The following EGFL8 variants were observed in gnomAD, a reference collection of about 807,000 sequenced individuals.
EGFL8 encodes the protein EGF like domain multiple 8, also known as epidermal growth factor-like protein 8.
In EGFL8, 32 loss-of-function variants were observed where a neutral mutation model predicts 39.4. The observed-to-expected ratio is 0.81, with a 90% CI of 0.61 to 1.09. EGFL8 has a LOEUF of 1.09. EGFL8 is among the 50% of genes least tolerant of loss of function. The pLI, the probability that EGFL8 is intolerant of heterozygous loss-of-function variation, is 0.00. For missense variants in EGFL8, 385 were observed against 402.2 expected (o/e 0.96, Z 0.37); for synonymous variants, 177 against 168.5 (o/e 1.05, Z -0.39).
chr6:32,166,826 CCGGGCCTTG>C lies in EGFL8; in HGVS notation c.334+21_334+29del, dbSNP rs777015456. 1.3e-6 allele frequency: 2 copies of C among 1,573,426 alleles called. No individual in the cohort carries two copies. The highest frequency in any genetic ancestry group is 2.3e-5 in the South Asian group (2 of 85,262). On this transcript the variant is annotated intron_variant, in intron 4 of 8. Transcript: ENST00000333845. This position sits in a 1 kb window ranked among gnomAD's most constrained non-coding sequence, Gnocchi z 7.3. Reference sequence around the variant, plus strand: ...ACCTGTGAAGGTGAGGCTGGGTCTTCCGGGCCTTGCGGGAGGCGCGCCCCACGGAGCTGG... The same window carrying C: ...ACCTGTGAAGGTGAGGCTGGGTCTTCCGGGAGGCGCGCCCCACGGAGCTGG...
In EGFL8 at chr6:32,166,619, A is replaced by G. The variant is rs758132074; in HGVS notation, c.223A>G (p.Arg75Gly). 3.1e-6 allele frequency: 5 copies of G among 1,614,168 alleles called. No homozygotes were observed. In the East Asian group the frequency reaches 6.7e-5, roughly 22 times the overall value. The part of the protein sequence containing the change: ...CAGRRICSTY[R>G]TMYRVMWREV... Reference sequence around the variant, plus strand: ...TGGGAGGCGCATCTGCAGCACTTACAGGTGAGGGATGGGGAGATGGGACCC... The same window carrying G: ...TGGGAGGCGCATCTGCAGCACTTACGGGTGAGGGATGGGGAGATGGGACCC... The change falls in exon 3 of 9, where the codon AGG becomes GGG. Residue 75 changes from arginine to glycine, a missense_variant and splice_region_variant. Arg to Gly is a moderately radical substitution (Grantham distance 125, BLOSUM62 -2). Transcript: ENST00000333845. The surrounding 1 kb of genome is among the most constrained non-coding windows in gnomAD (Gnocchi z 7.3).
In EGFL8 at chr6:32,166,852, C is replaced by CGGAGCTGG; in HGVS notation, c.335-48_335-41dup. 2 of 1,579,122 alleles carry CGGAGCTGG rather than the reference C, an allele frequency of 1.3e-6. No individual in the cohort carries two copies. The highest frequency in any genetic ancestry group is 1.2e-5 in the South Asian group (1 of 86,548). On this transcript the variant is annotated intron_variant, in intron 4 of 8. Coordinates refer to ENST00000333845, the MANE Select transcript of EGFL8 (RefSeq NM_030652.4). This position sits in a 1 kb window ranked among gnomAD's most constrained non-coding sequence, Gnocchi z 7.3. Reference sequence around the variant, plus strand: ...CGGGCCTTGCGGGAGGCGCGCCCCACGGAGCTGGGGAGCTGGGTCGTCGGT... The same window carrying CGGAGCTGG: ...CGGGCCTTGCGGGAGGCGCGCCCCACGGAGCTGGGGAGCTGGGGAGCTGGGTCGTCGGT...
chr6:32,168,236 T>G lies in EGFL8; in HGVS notation c.*280T>G. Reference sequence around the variant, plus strand: ...ATCTCTCTCTCTCTTTATTTTCAGTTTTTTTGCTGTTATCCAGATAATTAA... The same window carrying G: ...ATCTCTCTCTCTCTTTATTTTCAGTGTTTTTGCTGTTATCCAGATAATTAA... On this transcript the variant is annotated 3_prime_UTR_variant, in exon 9 of 9. Transcript: ENST00000333845. The surrounding 1 kb of genome is among the most constrained non-coding windows in gnomAD (Gnocchi z 4.5). 2 of 458,792 alleles carry G rather than the reference T, an allele frequency of 4.4e-6. No homozygotes were observed. Among genetic ancestry groups the G allele is most frequent in the East Asian group, 3.3e-5 (1 of 29,952 alleles). 28.4% of individuals were successfully genotyped at this position (458,792 alleles called of 1,614,324 possible). A position where few individuals can be genotyped will look rare whatever the true frequency, so the allele number is the denominator to read the frequency against.
At position 32,167,396 on chromosome 6, in the gene EGFL8, C is replaced by G; in HGVS notation, c.648C>G (p.His216Gln). 3 of 1,613,052 alleles carry G rather than the reference C, an allele frequency of 1.9e-6. No individual in the cohort carries two copies. The highest frequency in any genetic ancestry group is 1.3e-5 in the African/African-American group (1 of 75,066). The part of the protein sequence containing the change: ...KDERALKQEI[H>Q]ELRGRLERLE... The stretch of plus-strand genomic sequence containing the variant: ...AGCGCGCTCTGAAGCAGGAGATTCA[C>G]GAGCTGCGAGGGCGCCTGGAGCGGC... The change falls in exon 7 of 9, where the codon CAC becomes CAG. Residue 216 changes from histidine (H) to glutamine (Q), a missense_variant. Coordinates refer to ENST00000333845, the MANE Select transcript of EGFL8 (RefSeq NM_030652.4). The surrounding 1 kb of genome is among the most constrained non-coding windows in gnomAD (Gnocchi z 6.4).
At position 32,167,230 on chromosome 6, in the gene EGFL8, A is replaced by T; in HGVS notation, c.574A>T (p.Thr192Ser). 1 of 1,612,514 alleles carries T rather than the reference A, an allele frequency of 6.2e-7. No individual in the cohort carries two copies. The highest frequency in any genetic ancestry group is 8.5e-7 in the Non-Finnish European group (1 of 1,179,728). Reference protein sequence around the residue: ...TCMEGSPEPPTSASILSVAVR... With the variant: ...TCMEGSPEPPSSASILSVAVR... ...CATGGAGGGGTCCCCAGAGCCCCCA[A>T]CCAGTGCCAGCATACTCAGCGTGGC... The change falls in exon 6 of 9, where the codon ACC becomes TCC. Residue 192 changes from threonine (T) to serine (S), a missense_variant. Physicochemically the swap from Thr to Ser is moderately conservative, Grantham distance 58 (BLOSUM62 1). Coordinates refer to ENST00000333845, the MANE Select transcript of EGFL8 (RefSeq NM_030652.4). This position sits in a 1 kb window ranked among gnomAD's most constrained non-coding sequence, Gnocchi z 6.4.
At position 32,166,202 on chromosome 6, in the gene EGFL8, G is replaced by A. The variant is rs749075642; in HGVS notation, c.37G>A (p.Gly13Arg). The A allele has an allele frequency of 4.3e-6, 7 of 1,613,970 alleles. No homozygotes were observed. In the South Asian group the frequency reaches 5.5e-5, roughly 13 times the overall value. Residue 13 changes from glycine (G) to arginine (R), a missense_variant, in exon 2 of 9, where the codon GGA becomes AGA. Coordinates refer to ENST00000333845, the MANE Select transcript of EGFL8 (RefSeq NM_030652.4). The surrounding 1 kb of genome is among the most constrained non-coding windows in gnomAD (Gnocchi z 7.3). Reference sequence around the variant, plus strand: ...GGCTGAGCTGTGCACTCTCTTAGGCGGATTCTCCTTCCTCCTGCTACTGAT... The same window carrying A: ...GGCTGAGCTGTGCACTCTCTTAGGCAGATTCTCCTTCCTCCTGCTACTGAT... ...SRAELCTLLG[G>R]FSFLLLLIPG...
intron 1 of EGFL8, among the ~76,000 whole-genome samples, chr6:32,165,052 C>T (rs1247004800): frequency 1.3e-5 from 2 of 151,916 alleles, no homozygotes; most frequent in African/African-American, 4.8e-5. Flanking sequence ...GCTGGGATTA[C>T]AGGCGTCCAC....
Position 32,166,492 on chromosome 6 carries a change from A to G in EGFL8, c.102-6A>G. The G allele has an allele frequency of 6.2e-7, 1 of 1,613,436 alleles. No homozygotes were observed. Among genetic ancestry groups the G allele is most frequent in the Non-Finnish European group, 8.5e-7 (1 of 1,180,006 alleles). On this transcript the variant is annotated splice_polypyrimidine_tract_variant and splice_region_variant and intron_variant, in intron 2 of 8. Transcript: ENST00000333845. The surrounding 1 kb of genome is among the most constrained non-coding windows in gnomAD (Gnocchi z 7.3). ...TCTCCCACCTCATCCTCTGGCATGGACGCAGTCAGGGAGTCTGCTCCAAGC... is the reference window on the plus strand; with the variant it reads ...TCTCCCACCTCATCCTCTGGCATGGGCGCAGTCAGGGAGTCTGCTCCAAGC...
Position 32,166,083 on chromosome 6 carries a change from T to C in EGFL8, c.-28-55T>C, listed in dbSNP as rs1489885233. On this transcript the variant is annotated intron_variant, in intron 1 of 8. Coordinates refer to ENST00000333845, the MANE Select transcript of EGFL8 (RefSeq NM_030652.4). The surrounding 1 kb of genome is among the most constrained non-coding windows in gnomAD (Gnocchi z 7.3). ...AGAGTGCCCTTGGAGGGACTAGTGC[T>C]GGAGAAATTAATAGGAGAGGGGACG... is the stretch of plus-strand genomic sequence containing the variant. 1.4e-6 allele frequency: 2 copies of C among 1,415,708 alleles called. No homozygotes were observed. Among genetic ancestry groups the C allele is most frequent in the Non-Finnish European group, 2.0e-6 (2 of 1,003,594 alleles). The allele number at this position is 1,415,708 out of a possible 1,614,324, so 87.7% of individuals were successfully genotyped here.
rs1401564817 is a variant in EGFL8 at position 32,167,450 on chromosome 6, G to T, written c.681+21G>T. On this transcript the variant is annotated intron_variant, in intron 7 of 8. Coordinates refer to ENST00000333845, the MANE Select transcript of EGFL8 (RefSeq NM_030652.4). This position sits in a 1 kb window ranked among gnomAD's most constrained non-coding sequence, Gnocchi z 6.4. ...AGCAGGTGAGCCAAGCCTGCTGGGT[G>T]GGGCGAGGCCAGACGTCACTGTCAA... The T allele has an allele frequency of 6.2e-7, 1 of 1,612,354 alleles. No individual in the cohort carries two copies. The highest frequency in any genetic ancestry group is 1.7e-5 in the Admixed American group (1 of 60,032).
In EGFL8 at chr6:32,167,359, CG is replaced by C. The variant is rs1409323202; in HGVS notation, c.613del (p.Glu205LysfsTer7). ...ASILSVAVRE[A>X]EKDERALKQE... ...TCTCCTTTGTCCCTAGTTCGGGAGG[CG>C]GAAAAAGATGAGCGCGCTCTGAAGC... is the stretch of plus-strand genomic sequence containing the variant. On this transcript the variant is annotated frameshift_variant, in exon 7 of 9. Coordinates refer to ENST00000333845, the MANE Select transcript of EGFL8 (RefSeq NM_030652.4). LOFTEE classifies it high-confidence loss of function. The surrounding 1 kb of genome is among the most constrained non-coding windows in gnomAD (Gnocchi z 6.4). 22 of 1,612,994 alleles carry C rather than the reference CG, an allele frequency of 1.4e-5. No homozygotes were observed. Among genetic ancestry groups the C allele is most frequent in the Non-Finnish European group, 1.9e-5 (22 of 1,180,026 alleles).
Position 32,166,790 on chromosome 6 carries a change from CG to C in EGFL8, c.319del (p.Ala107ArgfsTer13). 3 of 1,569,974 alleles carry C rather than the reference CG, an allele frequency of 1.9e-6. No individual in the cohort carries two copies. Among genetic ancestry groups the C allele is most frequent in the Non-Finnish European group, 2.6e-6 (3 of 1,156,852 alleles). On this transcript the variant is annotated frameshift_variant, in exon 4 of 9. Coordinates refer to ENST00000333845, the MANE Select transcript of EGFL8 (RefSeq NM_030652.4). LOFTEE classifies it high-confidence loss of function. The surrounding 1 kb of genome is among the most constrained non-coding windows in gnomAD (Gnocchi z 7.3). The stretch of plus-strand genomic sequence containing the variant: ...TGCCAGGGCTGGAAGAAGCGGCACC[CG>C]GGGGCGCTCACCTGTGAAGGTGAGG... ...VCCQGWKKRH[P>X]GALTCEAICA... is the part of the protein sequence containing the mutation.
chr6:32,165,584 A>G (rs113974795), intron 1 of EGFL8: 5,925 of 151,782 alleles, frequency 0.039, 261 homozygotes, highest in African/African-American at 0.11. Context: ...ACCAAAAAAA[A>G]AAAACCCTAG....
chr6:32,166,518 A>G lies in EGFL8; in HGVS notation c.122A>G (p.Gln41Arg), dbSNP rs148110134. Residue 41 changes from glutamine to arginine, a missense_variant, in exon 3 of 9, where the codon CAG becomes CGG. Transcript: ENST00000333845. The surrounding 1 kb of genome is among the most constrained non-coding windows in gnomAD (Gnocchi z 7.3). ...CGCAGTCAGGGAGTCTGCTCCAAGC[A>G]GACACTGGTGGTCCCGCTCCACTAC... ...LRESQGVCSKQTLVVPLHYNE... is the reference protein window; with the variant it reads ...LRESQGVCSKRTLVVPLHYNE... 7.3e-5 allele frequency: 117 copies of G among 1,613,788 alleles called. No homozygotes were observed. In the African/African-American group the frequency reaches 1.4e-3, roughly 20 times the overall value.
rs917393194 is a variant in EGFL8, at chr6:32,167,923, C to T, written c.849C>T (p.Asp283=). 1 of 1,614,214 alleles carries T rather than the reference C, an allele frequency of 6.2e-7. No homozygotes were observed. Among genetic ancestry groups the T allele is most frequent in the Non-Finnish European group, 8.5e-7 (1 of 1,180,034 alleles). The part of the protein sequence containing the change: ...EERLGACSCE[D]NSLGLGVNHR ...GTCATTAACCAGGCTCCTGTGAGGA[C>T]AACAGCCTGGGCCTCGGCGTCAATC... is the stretch of plus-strand genomic sequence containing the variant. Residue 283 remains aspartate (D), a synonymous_variant, in exon 9 of 9, where the codon GAC becomes GAT. Coordinates refer to ENST00000333845, the MANE Select transcript of EGFL8 (RefSeq NM_030652.4). The surrounding 1 kb of genome is among the most constrained non-coding windows in gnomAD (Gnocchi z 6.4).
chr6:32,166,799 T>C lies in EGFL8; in HGVS notation c.323T>C (p.Leu108Pro). The change falls in exon 4 of 9, where the codon CTC becomes CCC. Residue 108 changes from leucine to proline, a missense_variant. Physicochemically the swap from Leu to Pro is moderately conservative, Grantham distance 98 (BLOSUM62 -3). Transcript: ENST00000333845. The surrounding 1 kb of genome is among the most constrained non-coding windows in gnomAD (Gnocchi z 7.3). ...TGGAAGAAGCGGCACCCGGGGGCGC[T>C]CACCTGTGAAGGTGAGGCTGGGTCT... ...QGWKKRHPGA[L>P]TCEAICAKPC... 1 of 1,570,228 alleles carries C rather than the reference T, an allele frequency of 6.4e-7. No individual in the cohort carries two copies. Among genetic ancestry groups the C allele is most frequent in the Non-Finnish European group, 8.6e-7 (1 of 1,156,824 alleles).
chr6:32,168,275 C>A lies in EGFL8; in HGVS notation c.*319C>A. 1 of 364,696 alleles carries A rather than the reference C, an allele frequency of 2.7e-6. No individual in the cohort carries two copies. The highest frequency in any genetic ancestry group is 5.0e-6 in the Non-Finnish European group (1 of 199,362). The allele number at this position is 364,696 out of a possible 1,614,324, so 22.6% of individuals were successfully genotyped here. On this transcript the variant is annotated 3_prime_UTR_variant, in exon 9 of 9. Transcript: ENST00000333845. The surrounding 1 kb of genome is among the most constrained non-coding windows in gnomAD (Gnocchi z 4.5). Reference sequence around the variant, plus strand: ...CCAGATAATTAATAAAAACCAACCACGCAAAACTGGGTCCCACCCTCTCCT... The same window carrying A: ...CCAGATAATTAATAAAAACCAACCAAGCAAAACTGGGTCCCACCCTCTCCT...
chr6:32,165,773 C>T (rs545231327), intron 1 of EGFL8: 26 of 301,934 alleles, frequency 8.6e-5, no homozygotes, highest in Middle Eastern at 9.4e-4. Flanking sequence ...GTAGTAAGAG[C>T]GAAACTCCTT....
At position 32,168,065 on chromosome 6, in the gene EGFL8, G is replaced by C. The variant is rs1278631855; in HGVS notation, c.*109G>C. On this transcript the variant is annotated 3_prime_UTR_variant, in exon 9 of 9. Coordinates refer to ENST00000333845, the MANE Select transcript of EGFL8 (RefSeq NM_030652.4). The surrounding 1 kb of genome is among the most constrained non-coding windows in gnomAD (Gnocchi z 4.5). ...AGATAAGGCTATCAGCCACCAAAGA[G>C]CAATGAACAATGGAAACTTCAGAGA... The C allele has an allele frequency of 8.6e-7, 1 of 1,159,422 alleles. No homozygotes were observed. The allele number at this position is 1,159,422 out of a possible 1,614,324, so 71.8% of individuals were successfully genotyped here.
Sources: allele counts gnomAD v4.1 joint callset (sites outside exome capture counted in the v4.1 genomes callset), GRCh38; gene constraint gnomAD v4.1.1; non-coding constraint Gnocchi (gnomAD v3.1); transcripts MANE v1.5; gene names NCBI Gene and HGNC (gene_info 2026-07-23, HGNC 2026-07-21).